The following ARV1 variants were observed in gnomAD, a reference collection of about 807,000 sequenced individuals.
ARV1 encodes the protein ARV1 fatty acid homeostasis modulator, also known as protein ARV1.
ARV1 carries 26 observed loss-of-function variants against 31.1 expected under a neutral mutation model. That is an observed-to-expected ratio of 0.84 (90% confidence interval 0.61 to 1.16). The LOEUF (loss-of-function observed/expected upper bound fraction) is 1.16, where lower values mean the gene tolerates loss of function less well. ARV1 is among the 50% of genes most tolerant of loss of function. The pLI, the probability that ARV1 is intolerant of heterozygous loss-of-function variation, is 0.00. For synonymous variants in ARV1, 117 were observed against 123.2 expected, an observed-to-expected ratio of 0.95 and a Z score of 0.34; for missense variants, 281 against 324.9, an observed-to-expected ratio of 0.86 and a Z score of 1.04.
chr1:230,984,556 A>C (rs974846412), intron 1 of ARV1, among the ~76,000 whole-genome samples: 3 of 152,202 alleles, frequency 2.0e-5, no homozygotes, highest in African/African-American at 7.2e-5. Context: ...TTTGAGACGA[A>C]TTAAGAGTCC....
At chr1:230,997,673 T>G (rs1176981647) in intron 5 of ARV1, among the ~76,000 whole-genome samples, 1 of 152,132 alleles carries the variant, frequency 6.6e-6, no homozygotes, top group Non-Finnish European at 1.5e-5. Context: ...TTTCGCTACT[T>G]CTGACCTGCC....
intron 1 of ARV1, among the ~76,000 whole-genome samples, chr1:230,985,512 C>T (rs537272505): frequency 6.6e-6 from 1 of 152,304 alleles, no homozygotes; most frequent in South Asian, 2.1e-4. Flanking sequence ...ATAGCCACTC[C>T]AAAGACATTT....
intron 1 of ARV1, among the ~76,000 whole-genome samples, chr1:230,981,402 A>T (rs1261044773): frequency 6.6e-6 from 1 of 152,174 alleles, no homozygotes; most frequent in African/African-American, 2.4e-5. Context: ...TGGCAACTTT[A>T]CCATTTTAAC....
chr1:230,981,177 C>A (rs1388908969), intron 1 of ARV1, among the ~76,000 whole-genome samples: 1 of 152,196 alleles, frequency 6.6e-6, no homozygotes, highest in African/African-American at 2.4e-5. Context: ...TGTATTCCAA[C>A]GCATAGTCAT....
chr1:230,991,860 C>G (rs1057509816), intron 3 of ARV1, among the ~76,000 whole-genome samples: 1 of 152,050 alleles, frequency 6.6e-6, no homozygotes, highest in Non-Finnish European at 1.5e-5. Flanking sequence ...GAACTTCTGA[C>G]CTCGTGATCC....
Position 230,990,137 on chromosome 1 carries a change from T to G in ARV1, c.322T>G (p.Leu108Val). ...CCATGGAAAACTCTGCATATTTTGT[T>G]TGCTTTGTGAAGCATACCTGAGGTG... ...NIHGKLCIFC[L>V]LCEAYLRWWQ... Residue 108 changes from leucine (L) to valine (V), a missense_variant, in exon 3 of 6, where the codon TTG becomes GTG. Leu to Val is a conservative substitution (Grantham distance 32, BLOSUM62 1). Coordinates refer to ENST00000310256, the MANE Select transcript of ARV1 (RefSeq NM_022786.3). 6.2e-7 allele frequency: 1 copy of G among 1,607,052 alleles called. No individual in the cohort carries two copies. Among genetic ancestry groups the G allele is most frequent in the Non-Finnish European group, 8.5e-7 (1 of 1,178,352 alleles).
rs116371725 is a variant in ARV1, at chr1:230,979,970, A to C, written c.174+691A>C. 4.4e-3 allele frequency among the ~76,000 whole-genome samples: 670 copies of C among 152,278 alleles called. 5 individuals are homozygous for C. Among genetic ancestry groups the C allele is most frequent in the African/African-American group, 0.016 (648 of 41,538 alleles). ...AAGTTGGAGGTTCTTTGGGGGTATT[A>C]ATTAGCAAAGAACCTGTCACAGAAT... On this transcript the variant is annotated intron_variant, in intron 1 of 5. Transcript: ENST00000310256.
At chr1:230,991,007 T>G (rs1240853423) in intron 3 of ARV1, among the ~76,000 whole-genome samples, 1 of 152,222 alleles carries the variant, frequency 6.6e-6, no homozygotes, top group Non-Finnish European at 1.5e-5. Flanking sequence ...GTGTATTTAA[T>G]AGGGTTTGGT....
At chr1:230,997,467 G>A (rs1679402929) in intron 5 of ARV1, among the ~76,000 whole-genome samples, 200 bp downstream of exon 5, 1 of 151,980 alleles carries the variant, frequency 6.6e-6, no homozygotes, top group South Asian at 2.1e-4. Flanking sequence ...TCACCCTCTG[G>A]GACATCAACA....
chr1:231,000,121 T>C lies in ARV1; in HGVS notation c.*5-17T>C, dbSNP rs1423383789. 6.6e-6 allele frequency: 1 copy of C among 152,224 alleles called. No homozygotes were observed. Among genetic ancestry groups the C allele is most frequent in the Non-Finnish European group, 1.5e-5 (1 of 68,038 alleles). The allele number at this position is 152,224 out of a possible 1,614,324, so 9.4% of individuals were successfully genotyped here. On this transcript the variant is annotated splice_polypyrimidine_tract_variant and intron_variant, in intron 5 of 5. Transcript: ENST00000310256. The stretch of plus-strand genomic sequence containing the variant: ...AGCAGAATGTGGCATTCTAAATACA[T>C]CCTTTATTTTTCACAGTTTTATTCT...
chr1:230,996,482 G>T (rs1342395828), intron 4 of ARV1, among the ~76,000 whole-genome samples: 1 of 151,850 alleles, frequency 6.6e-6, no homozygotes, highest in Non-Finnish European at 1.5e-5. Flanking sequence ...GGTGTCACTT[G>T]GTCACCCAGG....
intron 3 of ARV1, among the ~76,000 whole-genome samples, chr1:230,991,447 A>T (rs189706817): frequency 1.3e-5 from 2 of 152,172 alleles, no homozygotes; most frequent in East Asian, 3.9e-4. Context: ...ATAAATCACC[A>T]TACCCATAAT....
At chr1:230,995,205 T>C (rs759482734) in intron 3 of ARV1, among the ~76,000 whole-genome samples, 2 of 152,252 alleles carry the variant, frequency 1.3e-5, no homozygotes, top group African/African-American at 4.8e-5. Flanking sequence ...GACTCTGTCC[T>C]ATGAATACTT....
chr1:230,988,225 A>G (rs1679134646), intron 1 of ARV1, 95 bp from the exon 2 acceptor site: 1 of 1,079,518 alleles, frequency 9.3e-7, no homozygotes, highest in South Asian at 1.5e-5. Flanking sequence ...CCATATTGCT[A>G]TCTGTGTCCA....
chr1:230,995,945 A>G lies in ARV1; in HGVS notation c.634A>G (p.Lys212Glu), dbSNP rs1227786469. 6.2e-7 allele frequency: 1 copy of G among 1,614,008 alleles called. No homozygotes were observed. The highest frequency in any genetic ancestry group is 1.7e-5 in the Admixed American group (1 of 60,002). ...CACATCTGTGTGCCTCAAACTCATT[A>G]AAGTATTTGTTCTTACATCAAATTT... ...DYTSVCLKLI[K>E]VFVLTSNFQA... Residue 212 changes from lysine (K) to glutamate (E), a missense_variant, in exon 4 of 6, where the codon AAA (lysine) becomes GAA (glutamate). Coordinates refer to ENST00000310256, the MANE Select transcript of ARV1 (RefSeq NM_022786.3).
intron 3 of ARV1, among the ~76,000 whole-genome samples, chr1:230,991,236 A>G (rs1016319758): frequency 1.3e-5 from 2 of 152,162 alleles, no homozygotes; most frequent in Non-Finnish European, 2.9e-5. Flanking sequence ...TTACTTTAGT[A>G]ATACTAAGTC....
Position 230,997,197 on chromosome 1 carries a change from C to T in ARV1, c.750C>T (p.Tyr250=), listed in dbSNP as rs1679394666. 2 of 1,613,552 alleles carry T rather than the reference C, an allele frequency of 1.2e-6. No homozygotes were observed. The highest frequency in any genetic ancestry group is 1.3e-5 in the African/African-American group (1 of 74,918). ...SGLLLESIMV[Y]FFQSMEWDVG... ...TACTGCTGGAAAGCATCATGGTCTA[C>T]TTCTTCCAGAGTATGGAATGGGATG... The change falls in exon 5 of 6, where the codon TAC becomes TAT. Residue 250 remains tyrosine (Y), a synonymous_variant. Coordinates refer to ENST00000310256, the MANE Select transcript of ARV1 (RefSeq NM_022786.3).
chr1:230,990,435 C>T (rs543025015), intron 3 of ARV1, among the ~76,000 whole-genome samples, 172 bp downstream of exon 3: 1 of 152,318 alleles, frequency 6.6e-6, no homozygotes, highest in African/African-American at 2.4e-5. Flanking sequence ...GTGTTTGAAT[C>T]ACCTGCTTTT....
At chr1:230,998,234 G>A (rs573362827) in intron 5 of ARV1, among the ~76,000 whole-genome samples, 1 of 152,342 alleles carries the variant, frequency 6.6e-6, no homozygotes, top group Non-Finnish European at 1.5e-5. Context: ...GGGCCAGAGA[G>A]TGAGGAAAAC....
Sources: gnomAD v4.1 joint callset for allele counts (sites outside exome capture counted in the v4.1 genomes callset) on GRCh38, gnomAD v4.1.1 for gene constraint, MANE v1.5 for transcripts, NCBI Gene and HGNC (gene_info 2026-07-23, HGNC 2026-07-21) for gene names.